DPF3: variants seen among roughly 807,000 people sequenced by gnomAD.
DPF3 encodes double PHD fingers 3.
Under a neutral mutation model 56.8 loss-of-function variants are expected in DPF3, and 18 were observed. The ratio of observed to expected loss-of-function variants is 0.32; its 90% confidence interval spans 0.22 to 0.47. The LOEUF (loss-of-function observed/expected upper bound fraction) is 0.47. DPF3 is among the 20% of genes least tolerant of loss of function. The pLI, the probability that DPF3 is intolerant of heterozygous loss-of-function variation, is 1.00. For missense variants in DPF3, 403 were observed against 488.8 expected, an observed-to-expected ratio of 0.82 and a Z score of 1.65; for synonymous variants, 188 against 180.2, an observed-to-expected ratio of 1.04 and a Z score of -0.35.
At chr14:72,706,896 T>G (rs895390092) in intron 6 of DPF3, among the ~76,000 whole-genome samples, 1 of 152,112 alleles carries the variant, frequency 6.6e-6, no homozygotes, top group African/African-American at 2.4e-5. Context: ...TACATATGTA[T>G]ACATGTGCCA....
At chr14:72,711,983 G>A (rs1234935054) in intron 6 of DPF3, among the ~76,000 whole-genome samples, 3 of 152,086 alleles carry the variant, frequency 2.0e-5, no homozygotes, top group African/African-American at 7.2e-5. Flanking sequence ...AGGATCACAT[G>A]TCTGAAGGGC....
intron 3 of DPF3, among the ~76,000 whole-genome samples, chr14:72,740,649 C>T (rs1890086631): frequency 6.6e-6 from 1 of 152,168 alleles, no homozygotes; most frequent in Non-Finnish European, 1.5e-5. Context: ...AATGGCTCTT[C>T]AAGAAGAAAG....
intron 1 of DPF3, among the ~76,000 whole-genome samples, chr14:72,858,784 T>C (rs1451411892): frequency 1.3e-5 from 2 of 152,236 alleles, no homozygotes; most frequent in African/African-American, 2.4e-5. Flanking sequence ...TGTGTGGACA[T>C]TTGCATGGAG....
chr14:72,845,967 C>A (rs1647576587), intron 1 of DPF3, among the ~76,000 whole-genome samples: 1 of 152,140 alleles, frequency 6.6e-6, no homozygotes, highest in African/African-American at 2.4e-5. Flanking sequence ...GAAGGGCCTC[C>A]AGAAAGGCCA....
At chr14:72,838,897 T>C (rs1884418208) in intron 1 of DPF3, among the ~76,000 whole-genome samples, 2 of 97,146 alleles carry the variant, frequency 2.1e-5, no homozygotes, top group South Asian at 6.6e-4. Context: ...ATATATATTA[T>C]CATATATATT....
At chr14:72,791,083 C>T (rs1892410132) in intron 1 of DPF3, among the ~76,000 whole-genome samples, 1 of 152,142 alleles carries the variant, frequency 6.6e-6, no homozygotes. Flanking sequence ...TCCTGTGGGC[C>T]AGCCCTCTTC....
intron 8 of DPF3, among the ~76,000 whole-genome samples, chr14:72,654,097 C>T (rs1201041715): frequency 2.6e-5 from 4 of 152,170 alleles, no homozygotes; most frequent in Admixed American, 6.5e-5. Flanking sequence ...CTCAAGAGCT[C>T]GTGGCCAGCC....
At chr14:72,651,311 C>A (rs1406380902) in intron 8 of DPF3, among the ~76,000 whole-genome samples, 1 of 152,230 alleles carries the variant, frequency 6.6e-6, no homozygotes, top group Non-Finnish European at 1.5e-5. Flanking sequence ...CAGCGACTGA[C>A]CCCTCCCTGA....
At chr14:72,625,860 A>G (rs1884794130) in intron 9 of DPF3, among the ~76,000 whole-genome samples, 2 of 152,216 alleles carry the variant, frequency 1.3e-5, no homozygotes, top group Admixed American at 1.3e-4. Context: ...TGACTTTGAG[A>G]AACTAGACTC....
At chr14:72,668,819 G>A (rs541751073) in intron 8 of DPF3, among the ~76,000 whole-genome samples, 3 of 152,176 alleles carry the variant, frequency 2.0e-5, no homozygotes, top group Non-Finnish European at 4.4e-5. Context: ...TTTTATCAAT[G>A]AAAGCAAGTT....
In DPF3 at chr14:72,892,377, G is replaced by A. The variant is rs187347209; in HGVS notation, c.32+1680C>T. On this transcript the variant is annotated intron_variant, in intron 1 of 10. Coordinates refer to ENST00000556509, the MANE Select transcript of DPF3 (RefSeq NM_001280542.3). ...TTGGGTGAAACGCTGTGGCGTTCAA[G>A]CGCAGTGTATCCGAGCTTCCGAGCC... 3.1e-4 allele frequency: 472 copies of A among 1,526,458 alleles called. 2 individuals are homozygous for A. The East Asian group carries it at 6.9e-3, about 22-fold the overall frequency. 94.6% of individuals were successfully genotyped at this position (1,526,458 alleles called of 1,614,324 possible). A position where few individuals can be genotyped will look rare whatever the true frequency, so the allele number is the denominator to read the frequency against.
At chr14:72,654,240 G>A (rs1044793027) in intron 8 of DPF3, among the ~76,000 whole-genome samples, 26 of 151,894 alleles carry the variant, frequency 1.7e-4, no homozygotes, top group Non-Finnish European at 3.2e-4. Context: ...ATCTCTGCTC[G>A]GGCTCCAAGC....
At chr14:72,747,593 G>T (rs1567219946) in intron 3 of DPF3, among the ~76,000 whole-genome samples, 1 of 150,974 alleles carries the variant, frequency 6.6e-6, no homozygotes, top group Non-Finnish European at 1.5e-5. Context: ...TTTGCAACCA[G>T]GCTGGGCAAC....
At position 72,771,951 on chromosome 14, in the gene DPF3, G is replaced by A. The variant is rs1387294867; in HGVS notation, c.33-58C>T. 9.5e-6 allele frequency: 13 copies of A among 1,375,004 alleles called. No homozygotes were observed. The East Asian group carries it at 2.8e-4, about 29-fold the overall frequency. 85.2% of individuals were successfully genotyped at this position (1,375,004 alleles called of 1,614,324 possible). A position where few individuals can be genotyped will look rare whatever the true frequency, so the allele number is the denominator to read the frequency against. ...AGGGAAGACTGAAACACACCCAGAGGGAAACACACCCAGAGGGAAACACAC... is the reference window on the plus strand; with the variant it reads ...AGGGAAGACTGAAACACACCCAGAGAGAAACACACCCAGAGGGAAACACAC... On this transcript the variant is annotated intron_variant, in intron 1 of 10. Coordinates refer to ENST00000556509, the MANE Select transcript of DPF3 (RefSeq NM_001280542.3).
At chr14:72,773,724 T>G in intron 1 of DPF3, 2 of 427,966 alleles carry the variant, frequency 4.7e-6, no homozygotes, top group Non-Finnish European at 9.2e-6. Context: ...ACAGTATTTG[T>G]CTTTTTGTGA....
intron 3 of DPF3, among the ~76,000 whole-genome samples, chr14:72,746,604 A>G (rs1347037276): frequency 2.0e-5 from 3 of 152,244 alleles, no homozygotes; most frequent in South Asian, 4.1e-4. Flanking sequence ...GCTTCTCAGC[A>G]TCTGGGGGCT....
chr14:72,800,496 G>A (rs1413541484), intron 1 of DPF3, among the ~76,000 whole-genome samples: 2 of 151,920 alleles, frequency 1.3e-5, no homozygotes, highest in Non-Finnish European at 2.9e-5. Context: ...TTGGATGGAT[G>A]GATGGATGCA....
At chr14:72,756,822 C>CAGAAAGAGAGAA (rs1197343194) in intron 2 of DPF3, among the ~76,000 whole-genome samples, 35 of 70,062 alleles carry the variant, frequency 5.0e-4, no homozygotes, top group South Asian at 1.6e-3. Context: ...GAAAGAAAGA[C>CAGAAAGAGAGAA]AGAAAGAAAG....
chr14:72,799,431 G>A (rs1358055345), intron 1 of DPF3, among the ~76,000 whole-genome samples: 3 of 152,120 alleles, frequency 2.0e-5, no homozygotes, highest in Non-Finnish European at 4.4e-5. Context: ...TTGGGAGGCT[G>A]AGGAAGGAGG....
Sources: gnomAD v4.1 joint callset for allele counts (sites outside exome capture counted in the v4.1 genomes callset) on GRCh38, gnomAD v4.1.1 for gene constraint, MANE v1.5 for transcripts, NCBI Gene and HGNC (gene_info 2026-07-23, HGNC 2026-07-21) for gene names.